SMARCD2: variants seen among roughly 807,000 people sequenced by gnomAD.
The protein encoded by SMARCD2 is SWI/SNF related BAF chromatin remodeling complex subunit D2.
Under a neutral mutation model 70.4 loss-of-function variants are expected in SMARCD2, and 39 were observed. The ratio of observed to expected loss-of-function variants is 0.55; its 90% confidence interval spans 0.43 to 0.72. The LOEUF is 0.72. Ranked by LOEUF, SMARCD2 falls within the 30% of genes least tolerant of loss-of-function variation. SMARCD2 has a pLI of 0.00. For synonymous variants in SMARCD2, 249 were observed against 279.4 expected (o/e 0.89, Z 1.08); for missense variants, 540 against 713.4 (o/e 0.76, Z 2.77).
Position 63,834,497 on chromosome 17 carries a change from G to C in SMARCD2, c.898C>G (p.Leu300Val). ...RPGDLNVKCT[L>V]LLMLDHQPPQ... is the part of the protein sequence containing the mutation. ...ACCTGATGATCCAGCATGAGCAGGAGGGTGCACTTGACGTTGAGGTCTCCA... is the reference window on the plus strand; with the variant it reads ...ACCTGATGATCCAGCATGAGCAGGACGGTGCACTTGACGTTGAGGTCTCCA... The change falls in exon 7 of 13, where the codon CTC (leucine) becomes GTC (valine). Residue 300 changes from leucine (L) to valine (V), a missense_variant. Leu to Val is a conservative substitution (Grantham distance 32). Coordinates refer to ENST00000448276, the MANE Select transcript of SMARCD2 (RefSeq NM_001098426.2). This position sits in a 1 kb window ranked among gnomAD's most constrained non-coding sequence, Gnocchi z 5.6. 6.2e-7 allele frequency: 1 copy of C among 1,601,768 alleles called. No individual in the cohort carries two copies. The highest frequency in any genetic ancestry group is 8.5e-7 in the Non-Finnish European group (1 of 1,171,372).
intron 5 of SMARCD2, chr17:63,835,153 T>C: frequency 1.9e-6 from 1 of 537,678 alleles, no homozygotes; most frequent in South Asian, 2.5e-5. Context: ...AGACACAATC[T>C]CACTCTGTCA....
Position 63,833,137 on chromosome 17 carries a change from C to A in SMARCD2, c.1474G>T (p.Glu492Ter). 1.2e-6 allele frequency: 2 copies of A among 1,608,148 alleles called. No homozygotes were observed. The highest frequency in any genetic ancestry group is 1.7e-6 in the Non-Finnish European group (2 of 1,177,200). The change falls in exon 12 of 13, where the codon GAG becomes TAG. Residue 492 changes from glutamate (E) to a stop codon, truncating the protein, a stop_gained. Coordinates refer to ENST00000448276, the MANE Select transcript of SMARCD2 (RefSeq NM_001098426.2). LOFTEE classifies it high-confidence loss of function. This position sits in a 1 kb window ranked among gnomAD's most constrained non-coding sequence, Gnocchi z 4.3. Reference sequence around the variant, plus strand: ...TGGTGGTAGAAAGCAGCTCGTCTCTCCTCCTCAGGATTTCCAATCACATCA... The same window carrying A: ...TGGTGGTAGAAAGCAGCTCGTCTCTACTCCTCAGGATTTCCAATCACATCA... ...ITDVIGNPEE[E>*]RRAAFYHQPW...
rs61376475 is a variant in SMARCD2, at chr17:63,836,500, GAAAAAAAAA to G, written c.567+413_567+421del. Among the ~76,000 whole-genome samples, 66 of 64,824 alleles carry G rather than the reference GAAAAAAAAA, an allele frequency of 1.0e-3. No homozygotes were observed. The East Asian group carries it at 0.026, about 26-fold the overall frequency. The allele number at this position is 64,824 out of a possible 152,430, so 42.5% of individuals were successfully genotyped here. ...GGTGAAAGAGCGAGACTCCATCTCA[GAAAAAAAAA>G]AAAAAAAAAAAAAGAAAATTTCTCT... is the stretch of plus-strand genomic sequence containing the variant. On this transcript the variant is annotated intron_variant, in intron 4 of 12. Transcript: ENST00000448276.
In SMARCD2 at chr17:63,833,011, A is replaced by G; in HGVS notation, c.1543-20T>C. 10 of 1,587,358 alleles carry G rather than the reference A, an allele frequency of 6.3e-6. No individual in the cohort carries two copies. The highest frequency in any genetic ancestry group is 1.3e-5 in the African/African-American group (1 of 74,316). ...CTGCACCTGGAGAAGGGAGAAACCAAGTGGCTCAGGCCTTTGCTACTCACG... is the reference window on the plus strand; with the variant it reads ...CTGCACCTGGAGAAGGGAGAAACCAGGTGGCTCAGGCCTTTGCTACTCACG... On this transcript the variant is annotated intron_variant, in intron 12 of 12. Transcript: ENST00000448276. This position sits in a 1 kb window ranked among gnomAD's most constrained non-coding sequence, Gnocchi z 4.3.
chr17:63,842,524 C>A lies in SMARCD2; in HGVS notation c.151G>T (p.Val51Leu). 1.6e-6 allele frequency: 2 copies of A among 1,217,758 alleles called. No homozygotes were observed. Among genetic ancestry groups the A allele is most frequent in the Non-Finnish European group, 2.0e-6 (2 of 980,344 alleles). 75.4% of individuals were successfully genotyped at this position (1,217,758 alleles called of 1,614,324 possible). A position where few individuals can be genotyped will look rare whatever the true frequency, so the allele number is the denominator to read the frequency against. ...ALRGPGPAGG[V>L]GGPGAAAFRP... The stretch of plus-strand genomic sequence containing the variant: ...AAGGCGGCGGCCCCGGGGCCCCCCA[C>A]GCCTCCTGCCGGACCCGGTCCCCGG... The change falls in exon 1 of 13, where the codon GTG becomes TTG. Residue 51 changes from valine (V) to leucine (L), a missense_variant. Coordinates refer to ENST00000448276, the MANE Select transcript of SMARCD2 (RefSeq NM_001098426.2).
intron 1 of SMARCD2, among the ~76,000 whole-genome samples, chr17:63,842,010 C>A (rs900523766): frequency 4.6e-5 from 7 of 152,246 alleles, no homozygotes; most frequent in African/African-American, 1.7e-4. Flanking sequence ...ATCTCAGACA[C>A]GCTAGAGCTC....
At position 63,834,714 on chromosome 17, in the gene SMARCD2, G is replaced by C; in HGVS notation, c.810C>G (p.His270Gln). 2 of 1,612,536 alleles carry C rather than the reference G, an allele frequency of 1.2e-6. No homozygotes were observed. Among genetic ancestry groups the C allele is most frequent in the Non-Finnish European group, 8.5e-7 (1 of 1,178,542 alleles). Residue 270 changes from histidine (H) to glutamine (Q), a missense_variant, in exon 6 of 13, where the codon CAC (histidine) becomes CAG (glutamine). His to Gln is a conservative substitution (Grantham distance 24). Transcript: ENST00000448276. This position sits in a 1 kb window ranked among gnomAD's most constrained non-coding sequence, Gnocchi z 5.6. ...LDKELYGPDN[H>Q]LVEWHRMPTT... is the part of the protein sequence containing the mutation. Reference sequence around the variant, plus strand: ...CCAGGCCCACTCTCACCTCCACCAGGTGATTGTCAGGCCCGTACAGCTCCT... The same window carrying C: ...CCAGGCCCACTCTCACCTCCACCAGCTGATTGTCAGGCCCGTACAGCTCCT...
intron 1 of SMARCD2, among the ~76,000 whole-genome samples, chr17:63,842,144 C>A (rs1047916789): frequency 6.6e-6 from 1 of 152,142 alleles, no homozygotes; most frequent in African/African-American, 2.4e-5. Context: ...AGCCCTCCTA[C>A]CCTAGACTTC....
At position 63,832,921 on chromosome 17, in the gene SMARCD2, G is replaced by A. The variant is rs371363888; in HGVS notation, c.*17C>T. On this transcript the variant is annotated 3_prime_UTR_variant, in exon 13 of 13. Coordinates refer to ENST00000448276, the MANE Select transcript of SMARCD2 (RefSeq NM_001098426.2). ...TCCCTCCAGGCTCCAGGGCTGGGAA[G>A]AAAGATCCCTGAGCAGTTAGGTCAG... The A allele has an allele frequency of 2.1e-5, 32 of 1,555,658 alleles. No homozygotes were observed. The highest frequency in any genetic ancestry group is 2.5e-5 in the Non-Finnish European group (29 of 1,150,652).
chr17:63,835,746 T>A (rs192408416), intron 4 of SMARCD2, 179 bp from the exon 5 acceptor site: 1 of 495,180 alleles, frequency 2.0e-6, no homozygotes. Flanking sequence ...TTTTTTTTTT[T>A]AGACATGGTC....
chr17:63,838,897 C>T, intron 1 of SMARCD2: 1 of 985,458 alleles, frequency 1.0e-6, no homozygotes. Flanking sequence ...CGCACTAAAC[C>T]CATGTTCCCA....
chr17:63,832,746 A>G lies in SMARCD2; in HGVS notation c.*192T>C. 2 of 616,344 alleles carry G rather than the reference A, an allele frequency of 3.2e-6. No individual in the cohort carries two copies. Among genetic ancestry groups the G allele is most frequent in the Non-Finnish European group, 5.8e-6 (2 of 346,274 alleles). 38.2% of individuals were successfully genotyped at this position (616,344 alleles called of 1,614,324 possible). On this transcript the variant is annotated 3_prime_UTR_variant, in exon 13 of 13. Coordinates refer to ENST00000448276, the MANE Select transcript of SMARCD2 (RefSeq NM_001098426.2). ...CATCTGCTGAACCCAATTAAAGCCA[A>G]TGCAAAAAGTATAAGGCTTTGGGGA...
In SMARCD2 at chr17:63,832,128, G is replaced by A; in HGVS notation, c.*810C>T. Reference sequence around the variant, plus strand: ...GGAAATTTCCAAACCTGCCAGATGTGGCACTCGCCAAGCCCTAGGCCCACC... The same window carrying A: ...GGAAATTTCCAAACCTGCCAGATGTAGCACTCGCCAAGCCCTAGGCCCACC... On this transcript the variant is annotated 3_prime_UTR_variant, in exon 13 of 13. Coordinates refer to ENST00000448276, the MANE Select transcript of SMARCD2 (RefSeq NM_001098426.2). The A allele has an allele frequency of 1.3e-6, 1 of 743,714 alleles. No individual in the cohort carries two copies. Among genetic ancestry groups the A allele is most frequent in the Admixed American group, 2.3e-5 (1 of 42,668 alleles). 46.1% of individuals were successfully genotyped at this position (743,714 alleles called of 1,614,324 possible). A position where few individuals can be genotyped will look rare whatever the true frequency, so the allele number is the denominator to read the frequency against.
rs768770584 is a variant in SMARCD2, at chr17:63,832,975, T to C, written c.1559A>G (p.Gln520Arg). 1.9e-6 allele frequency: 3 copies of C among 1,582,718 alleles called. No homozygotes were observed. The highest frequency in any genetic ancestry group is 2.6e-6 in the Non-Finnish European group (3 of 1,165,786). Residue 520 changes from glutamine to arginine, a missense_variant, in exon 13 of 13, where the codon CAG becomes CGG. Coordinates refer to ENST00000448276, the MANE Select transcript of SMARCD2 (RefSeq NM_001098426.2). ...HIFAKVQQRR[Q>R]ELEQVLGIRL... ...AATTCCCAGCACCTGTTCCAGTTCCTGCCTTCGCTGCTGCACCTGGAGAAG... is the reference window on the plus strand; with the variant it reads ...AATTCCCAGCACCTGTTCCAGTTCCCGCCTTCGCTGCTGCACCTGGAGAAG...
At chr17:63,842,103 G>T (rs959271954) in intron 1 of SMARCD2, among the ~76,000 whole-genome samples, 2 of 152,154 alleles carry the variant, frequency 1.3e-5, no homozygotes, top group Admixed American at 6.5e-5. Flanking sequence ...TCTCAGCGAG[G>T]GCCCTTTCCC....
rs1486792028 is a variant in SMARCD2, at chr17:63,835,545, T to G, written c.590A>C (p.Tyr197Ser). 6.2e-7 allele frequency: 1 copy of G among 1,613,988 alleles called. No individual in the cohort carries two copies. Among genetic ancestry groups the G allele is most frequent in the Admixed American group, 1.7e-5 (1 of 60,016 alleles). The change falls in exon 5 of 13, where the codon TAC becomes TCC. Residue 197 changes from tyrosine (Y) to serine (S), a missense_variant. Transcript: ENST00000448276. ...GCTGGGACTGAACGTATTGGAAATG[T>G]AGATCCGAAGCTTTCGCTTTTGCTA... ...PLTQKRKLRI[Y>S]ISNTFSPSKA...
At chr17:63,839,586 AAAACAAAC>A (rs1183229686) in intron 1 of SMARCD2, among the ~76,000 whole-genome samples, 2 of 76,604 alleles carry the variant, frequency 2.6e-5, no homozygotes, top group Admixed American at 2.2e-4. Context: ...AAAACAAAAC[AAAACAAAC>A]AAAAAAAAAC....
intron 5 of SMARCD2, 171 bp downstream of exon 5, chr17:63,835,241 G>A: frequency 1.6e-6 from 1 of 632,180 alleles, no homozygotes; most frequent in Non-Finnish European, 2.7e-6. Context: ...TCCTGCATCA[G>A]CCTTATGAGT....
chr17:63,840,338 T>A lies in SMARCD2; in HGVS notation c.216+2121A>T, dbSNP rs75510928. Among the ~76,000 whole-genome samples the A allele has an allele frequency of 2.2e-4, 14 of 63,778 alleles. No homozygotes were observed. The South Asian group carries it at 3.7e-3, about 17-fold the overall frequency. The allele number at this position is 63,778 out of a possible 152,430, so 41.8% of individuals were successfully genotyped here. The stretch of plus-strand genomic sequence containing the variant: ...GCGCACACCACCATGCTTGGCTAAA[T>A]TTTTTTTTTTTTTTTTAAGAGATGA... On this transcript the variant is annotated intron_variant, in intron 1 of 12. Transcript: ENST00000448276.
Sources: allele counts gnomAD v4.1 joint callset (sites outside exome capture counted in the v4.1 genomes callset), GRCh38; gene constraint gnomAD v4.1.1; non-coding constraint Gnocchi (gnomAD v3.1); transcripts MANE v1.5; gene names NCBI Gene and HGNC (gene_info 2026-07-23, HGNC 2026-07-21).